The following ILDR1 variants were observed in gnomAD, a reference collection of about 807,000 sequenced individuals.
The protein encoded by ILDR1 is immunoglobulin like domain containing receptor 1.
A neutral mutation model predicts 62.4 loss-of-function variants in ILDR1; 56 were observed. The observed-to-expected ratio is 0.90, with a 90% CI of 0.72 to 1.12. The LOEUF is 1.12. Ranked by LOEUF, ILDR1 falls within the 50% of genes most tolerant of loss-of-function variation. The pLI is 0.00. For missense variants in ILDR1, 736 were observed against 710.6 expected (o/e 1.04, Z -0.41); for synonymous variants, 284 against 277.8 (o/e 1.02, Z -0.22).
At chr3:122,040,785 T>C in the ILDR1 span, among the ~76,000 whole-genome samples, 1 of 148,796 alleles carries the variant, frequency 6.7e-6, no homozygotes, top group Non-Finnish European at 1.5e-5. Context: ...AGGCCTAAAT[T>C]TAAAATGAAA....
At chr3:122,038,293 A>T in the ILDR1 span, among the ~76,000 whole-genome samples, 1 of 152,218 alleles carries the variant, frequency 6.6e-6, no homozygotes, top group Admixed American at 6.5e-5. Flanking sequence ...TGAAGGGAAG[A>T]TCCAAAACAA....
intron 7 of ILDR1, 45 bp from the exon 8 acceptor site, chr3:121,988,453 C>T (rs775307834): frequency 2.6e-6 from 4 of 1,512,148 alleles, no homozygotes. Context: ...CCAGTCAGTG[C>T]AATCCGTCTA....
the ILDR1 span, among the ~76,000 whole-genome samples, chr3:122,041,028 G>A: frequency 1.3e-5 from 2 of 152,132 alleles, no homozygotes; most frequent in African/African-American, 2.4e-5. Flanking sequence ...TTAAAAAACT[G>A]TTATCCGAAA....
chr3:122,037,139 G>A, the ILDR1 span, among the ~76,000 whole-genome samples: 4 of 152,226 alleles, frequency 2.6e-5, no homozygotes, highest in Non-Finnish European at 4.4e-5. Flanking sequence ...CTTTATTAGG[G>A]CAGTGCAGAG....
the ILDR1 span, among the ~76,000 whole-genome samples, chr3:122,050,523 A>G: frequency 6.6e-6 from 1 of 150,806 alleles, no homozygotes. Context: ...ATTCAGCTTC[A>G]TATAAAAACT....
At chr3:122,039,686 A>G in the ILDR1 span, among the ~76,000 whole-genome samples, 2 of 152,068 alleles carry the variant, frequency 1.3e-5, no homozygotes, top group African/African-American at 4.8e-5. Flanking sequence ...ATGGGTTAGA[A>G]ACTAGAATAT....
chr3:122,059,535 C>CA, the ILDR1 span, among the ~76,000 whole-genome samples: 8,647 of 67,498 alleles, frequency 0.13, 308 homozygotes, highest in Non-Finnish European at 0.17. Context: ...GACTCCGTCT[C>CA]AAAAAAAAAA....
intron 5 of ILDR1, among the ~76,000 whole-genome samples, chr3:121,996,887 G>GT (rs1050045923): frequency 1.5e-4 from 22 of 151,684 alleles, no homozygotes; most frequent in East Asian, 3.9e-4. Context: ...CCCTTGTTTT[G>GT]TTTTTTTTGT....
the ILDR1 span, among the ~76,000 whole-genome samples, chr3:122,031,198 AAC>A: frequency 6.6e-6 from 1 of 152,206 alleles, no homozygotes; most frequent in East Asian, 1.9e-4. Context: ...CTAAATAAGT[AAC>A]AGTCTCTCTA....
the ILDR1 span, among the ~76,000 whole-genome samples, chr3:122,047,499 C>A: frequency 6.6e-6 from 1 of 152,222 alleles, no homozygotes; most frequent in African/African-American, 2.4e-5. Context: ...CAATGGCGGG[C>A]GCCCCTCCCC....
intron 1 of ILDR1, among the ~76,000 whole-genome samples, chr3:122,018,092 CAT>C (rs1237888530): frequency 6.6e-6 from 1 of 152,142 alleles, no homozygotes; most frequent in Non-Finnish European, 1.5e-5. Flanking sequence ...CACATGCACA[CAT>C]ATGTCTATTG....
the ILDR1 span, among the ~76,000 whole-genome samples, chr3:122,049,227 T>C: frequency 2.0e-5 from 3 of 152,240 alleles, no homozygotes; most frequent in African/African-American, 7.2e-5. Context: ...CATTCCATTG[T>C]GATTGGAAAA....
chr3:122,011,674 CTTT>C (rs2071705069), intron 1 of ILDR1, among the ~76,000 whole-genome samples: 13 of 147,846 alleles, frequency 8.8e-5, no homozygotes, highest in African/African-American at 3.3e-4. Context: ...CTCTCTCTCT[CTTT>C]CACACACACA....
chr3:122,025,616 A>G (rs979502203), upstream of ILDR1, among the ~76,000 whole-genome samples: 1 of 152,224 alleles, frequency 6.6e-6, no homozygotes, highest in East Asian at 1.9e-4. Context: ...AACTGTGTCT[A>G]TGAATGTTTC....
the ILDR1 span, among the ~76,000 whole-genome samples, chr3:122,052,001 C>CT: frequency 5.9e-4 from 90 of 151,654 alleles, no homozygotes; most frequent in Admixed American, 1.0e-3. Context: ...CTGTCCAGCT[C>CT]TTTTTTTTTG....
At chr3:122,026,335 C>A (rs2071921097), upstream of ILDR1, among the ~76,000 whole-genome samples, 1 of 152,050 alleles carries the variant, frequency 6.6e-6, no homozygotes, top group African/African-American at 2.4e-5. Context: ...ACTGAGGGCC[C>A]AAGTCAATAA....
chr3:122,049,041 T>C, the ILDR1 span, among the ~76,000 whole-genome samples: 1 of 152,202 alleles, frequency 6.6e-6, no homozygotes, highest in African/African-American at 2.4e-5. Context: ...TTTTAATATG[T>C]TTATTGTTAT....
chr3:122,009,667 C>T lies in ILDR1; in HGVS notation c.59-2506G>A, dbSNP rs551183101. ...GGTTTTCTCCAACAGAGTTTTCAAA[C>T]GGAGCCACCTTCATTTTGACCAAGG... On this transcript the variant is annotated intron_variant, in intron 1 of 7. Coordinates refer to ENST00000344209, the MANE Select transcript of ILDR1 (RefSeq NM_001199799.2). Among the ~76,000 whole-genome samples, 272 of 152,266 alleles carry T rather than the reference C, an allele frequency of 1.8e-3. 1 individual carries two copies. The highest frequency in any genetic ancestry group is 2.8e-3 in the Non-Finnish European group (189 of 68,010).
chr3:122,022,890 G>C (rs1221116532), upstream of ILDR1, among the ~76,000 whole-genome samples: 1 of 151,308 alleles, frequency 6.6e-6, no homozygotes, highest in Non-Finnish European at 1.5e-5. Context: ...TCCAGCCTGG[G>C]CGACAGAGCG....
Sources: allele counts gnomAD v4.1 joint callset (sites outside exome capture counted in the v4.1 genomes callset), GRCh38; gene constraint gnomAD v4.1.1; transcripts MANE v1.5; gene names NCBI Gene and HGNC (gene_info 2026-07-23, HGNC 2026-07-21).